The following TTC7B variants were observed in gnomAD, a reference collection of about 807,000 sequenced individuals.
TTC7B encodes the protein tetratricopeptide repeat domain 7B.
A neutral mutation model predicts 106.8 loss-of-function variants in TTC7B; 28 were observed. That is an observed-to-expected ratio of 0.26 (90% CI 0.19 to 0.36). The LOEUF is 0.36. Among genes scored for constraint, TTC7B ranks in the 10% least tolerant of loss-of-function variants. The pLI is 1.00. For missense variants in TTC7B, 862 were observed against 1,076.4 expected, an observed-to-expected ratio of 0.80 and a Z score of 2.79; for synonymous variants, 405 against 430.6, an observed-to-expected ratio of 0.94 and a Z score of 0.74.
At chr14:90,686,768 T>A (rs1355336425) in intron 7 of TTC7B, among the ~76,000 whole-genome samples, 1 of 152,216 alleles carries the variant, frequency 6.6e-6, no homozygotes, top group Non-Finnish European at 1.5e-5. Context: ...TGCACACATG[T>A]GCACGCACGT....
chr14:90,568,658 C>G (rs1463954757), intron 19 of TTC7B, among the ~76,000 whole-genome samples: 1 of 152,130 alleles, frequency 6.6e-6, no homozygotes, highest in Non-Finnish European at 1.5e-5. Context: ...CCTCCCTGGC[C>G]AGCACTGAGA....
chr14:90,659,399 A>G (rs1238779812), intron 9 of TTC7B, among the ~76,000 whole-genome samples: 1 of 152,166 alleles, frequency 6.6e-6, no homozygotes, highest in African/African-American at 2.4e-5. Context: ...TACCAAAGAC[A>G]TTCTGGGACC....
At chr14:90,544,103 A>C (rs1463124678) in intron 19 of TTC7B, among the ~76,000 whole-genome samples, 2 of 152,188 alleles carry the variant, frequency 1.3e-5, no homozygotes, top group African/African-American at 4.8e-5. Flanking sequence ...AGGTGGAGGA[A>C]GGAGACCCCC....
chr14:90,618,157 A>C (rs985721620), intron 15 of TTC7B, 112 bp from the exon 16 acceptor site: 1 of 728,144 alleles, frequency 1.4e-6, no homozygotes, highest in African/African-American at 1.8e-5. Context: ...CATTTCAGAA[A>C]GGGAACATCC....
chr14:90,673,562 T>C (rs1886713227), intron 9 of TTC7B, among the ~76,000 whole-genome samples: 1 of 152,182 alleles, frequency 6.6e-6, no homozygotes, highest in African/African-American at 2.4e-5. Context: ...AACATATCTC[T>C]AAGACAAATG....
At chr14:90,610,144 A>G (rs1380082460) in intron 17 of TTC7B, among the ~76,000 whole-genome samples, 1 of 152,184 alleles carries the variant, frequency 6.6e-6, no homozygotes, top group Non-Finnish European at 1.5e-5. Flanking sequence ...GGTCCCGGGC[A>G]TTTCGGGTAA....
intron 17 of TTC7B, among the ~76,000 whole-genome samples, chr14:90,602,711 A>G (rs1475846354): frequency 6.6e-6 from 1 of 152,104 alleles, no homozygotes; most frequent in African/African-American, 2.4e-5. Context: ...AGAAAAAAAA[A>G]AAAAGCACTG....
rs1889530981 is a variant in TTC7B at position 90,540,335 on chromosome 14, G to A, written c.*1033C>T. ...CCCAGCTACTCAGGAGGCTGAGGTGGGAGGATCACCTGAACCTGGGAAGTC... is the reference window on the plus strand; with the variant it reads ...CCCAGCTACTCAGGAGGCTGAGGTGAGAGGATCACCTGAACCTGGGAAGTC... On this transcript the variant is annotated 3_prime_UTR_variant, in exon 20 of 20. Transcript: ENST00000328459. The A allele has an allele frequency of 6.6e-6, 1 of 152,266 alleles. No individual in the cohort carries two copies. Among genetic ancestry groups the A allele is most frequent in the South Asian group, 2.1e-4 (1 of 4,830 alleles). The allele number at this position is 152,266 out of a possible 1,614,324, so 9.4% of individuals were successfully genotyped here.
rs140475473 is a variant in TTC7B at position 90,610,214 on chromosome 14, C to A, written c.1966+528G>T. 6.3e-3 allele frequency among the ~76,000 whole-genome samples: 956 copies of A among 152,322 alleles called. 6 individuals are homozygous for A. The highest frequency in any genetic ancestry group is 0.022 in the African/African-American group (923 of 41,556). ...ACTCCCCTGTAGTTAGGTGGACTCACTCCCCTGTACTTAGGCAAATGTGGA... is the reference window on the plus strand; with the variant it reads ...ACTCCCCTGTAGTTAGGTGGACTCAATCCCCTGTACTTAGGCAAATGTGGA... On this transcript the variant is annotated intron_variant, in intron 17 of 19. Coordinates refer to ENST00000328459, the MANE Select transcript of TTC7B (RefSeq NM_001010854.2).
In TTC7B at chr14:90,600,762, C is replaced by T. The variant is rs1566791697; in HGVS notation, c.1967-7136G>A. Among the ~76,000 whole-genome samples, 3 of 152,208 alleles carry T rather than the reference C, an allele frequency of 2.0e-5. No homozygotes were observed. The highest frequency in any genetic ancestry group is 6.5e-5 in the Admixed American group (1 of 15,282). On this transcript the variant is annotated intron_variant, in intron 17 of 19. Transcript: ENST00000328459. This position sits in a 1 kb window ranked among gnomAD's most constrained non-coding sequence, Gnocchi z 4.3. ...TCACACAGAAAGCATGGAGGGAAGCCGTTCACACGCATGCAGGAAGGTGCC... is the reference window on the plus strand; with the variant it reads ...TCACACAGAAAGCATGGAGGGAAGCTGTTCACACGCATGCAGGAAGGTGCC...
At position 90,531,456 on chromosome 14, in the gene TTC7B, AC is replaced by A. The variant is rs1371423452; in HGVS notation, c.*9911del. The A allele has an allele frequency of 6.6e-6, 1 of 151,414 alleles. No individual in the cohort carries two copies. Among genetic ancestry groups the A allele is most frequent in the Non-Finnish European group, 1.5e-5 (1 of 67,936 alleles). The allele number at this position is 151,414 out of a possible 1,614,324, so 9.4% of individuals were successfully genotyped here. On this transcript the variant is annotated 3_prime_UTR_variant, in exon 20 of 20. Transcript: ENST00000328459. ...AAACAAAAAAACAAACAAAAAAAAA[AC>A]AAAAAACAAAAATCAGCTGGACGTG...
At chr14:90,556,190 GC>G (rs1010342660) in intron 19 of TTC7B, among the ~76,000 whole-genome samples, 11 of 152,360 alleles carry the variant, frequency 7.2e-5, no homozygotes, top group Admixed American at 7.2e-4. Flanking sequence ...CCCCGTGGGG[GC>G]GGAGAGGAGA....
chr14:90,544,362 G>C (rs576427319), intron 19 of TTC7B, among the ~76,000 whole-genome samples: 1 of 152,180 alleles, frequency 6.6e-6, no homozygotes, highest in South Asian at 2.1e-4. Flanking sequence ...AGAAGGTTCC[G>C]GGGTGGCCAA....
intron 5 of TTC7B, among the ~76,000 whole-genome samples, chr14:90,702,858 A>T (rs1888050192): frequency 6.6e-6 from 1 of 152,132 alleles, no homozygotes; most frequent in Non-Finnish European, 1.5e-5. Flanking sequence ...GGGGCAGGGG[A>T]ACAGTCTCCA....
chr14:90,556,659 G>A (rs1247741577), intron 19 of TTC7B, among the ~76,000 whole-genome samples: 1 of 152,240 alleles, frequency 6.6e-6, no homozygotes, highest in African/African-American at 2.4e-5. Context: ...TCCTCGTGGT[G>A]GAAAGTTTAG....
At chr14:90,815,445 C>G (rs959442725) in intron 1 of TTC7B, among the ~76,000 whole-genome samples, 1 of 152,046 alleles carries the variant, frequency 6.6e-6, no homozygotes, top group Non-Finnish European at 1.5e-5. Flanking sequence ...GCACCAACCC[C>G]TCACCCACCC....
chr14:90,659,515 C>T (rs1886098274), intron 9 of TTC7B, among the ~76,000 whole-genome samples: 1 of 151,922 alleles, frequency 6.6e-6, no homozygotes, highest in African/African-American at 2.4e-5. Flanking sequence ...GCAGTGGGGC[C>T]AGACCATGGA....
chr14:90,791,515 T>G (rs1229170755), intron 1 of TTC7B, among the ~76,000 whole-genome samples: 2 of 152,162 alleles, frequency 1.3e-5, no homozygotes, highest in Non-Finnish European at 2.9e-5. Flanking sequence ...TTCCCATGTT[T>G]TATCAGAGCA....
At chr14:90,562,418 C>A (rs181610827) in intron 19 of TTC7B, among the ~76,000 whole-genome samples, 82 of 152,346 alleles carry the variant, frequency 5.4e-4, no homozygotes, top group African/African-American at 1.9e-3. Context: ...CTTAGTGTCT[C>A]TTACTTTTCA....
Sources: allele counts gnomAD v4.1 joint callset (sites outside exome capture counted in the v4.1 genomes callset), GRCh38; gene constraint gnomAD v4.1.1; non-coding constraint Gnocchi (gnomAD v3.1); transcripts MANE v1.5; gene names NCBI Gene and HGNC (gene_info 2026-07-23, HGNC 2026-07-21).